Variants in DYSF observed in about 807,000 individuals in gnomAD.
DYSF encodes dystrophy-associated fer-1-like 1.
Under a neutral mutation model 274.9 loss-of-function variants are expected in DYSF, and 212 were observed. The ratio of observed to expected loss-of-function variants is 0.77; its 90% CI spans 0.69 to 0.86. The LOEUF (loss-of-function observed/expected upper bound fraction) is 0.86. DYSF is among the 40% of genes least tolerant of loss of function. DYSF has a pLI of 0.00. For missense variants in DYSF, 2,666 were observed against 2,783.2 expected (o/e 0.96, Z 0.95); for synonymous variants, 1,091 against 1,078.7 (o/e 1.01, Z -0.22).
chr2:71,552,149 A>G (rs1225228057), intron 19 of DYSF, among the ~76,000 whole-genome samples: 2 of 152,126 alleles, frequency 1.3e-5, no homozygotes, highest in African/African-American at 4.8e-5. Context: ...ATGAGGAAAC[A>G]GGCTCAGATA....
rs114685731 is a variant in DYSF, at chr2:71,484,923, C to T, written c.239+2953C>T. On this transcript the variant is annotated intron_variant, in intron 3 of 55. Coordinates refer to ENST00000410020, the MANE Select transcript of DYSF (RefSeq NM_001130987.2). Reference sequence around the variant, plus strand: ...CGAACCTTGGGGTCCTCCCATTGGCCCCTGTGGGTGTTCTCTAGCTCCTGG... The same window carrying T: ...CGAACCTTGGGGTCCTCCCATTGGCTCCTGTGGGTGTTCTCTAGCTCCTGG... Among the ~76,000 whole-genome samples, 613 of 152,200 alleles carry T rather than the reference C, an allele frequency of 4.0e-3. 5 individuals are homozygous for T. Among genetic ancestry groups the T allele is most frequent in the Non-Finnish European group, 4.5e-3 (307 of 68,000 alleles).
chr2:71,618,113 GGTGT>G (rs1284188036), intron 40 of DYSF, among the ~76,000 whole-genome samples: 1 of 120,140 alleles, frequency 8.3e-6, no homozygotes. Flanking sequence ...GTAGAGGTGG[GGTGT>G]GTGTGTGGTA....
intron 41 of DYSF, among the ~76,000 whole-genome samples, chr2:71,626,307 TG>T: frequency 8.9e-6 from 1 of 112,874 alleles, no homozygotes. Context: ...ACTAGTTAGC[TG>T]TTTTTTTTCA....
intron 28 of DYSF, 86 bp downstream of exon 28, chr2:71,570,420 T>C: frequency 6.8e-7 from 1 of 1,477,132 alleles, no homozygotes; most frequent in Non-Finnish European, 9.4e-7. Flanking sequence ...CCAGGGCCCT[T>C]CACTGGGCTA....
At chr2:71,554,101 C>A (rs893243388) in intron 21 of DYSF, among the ~76,000 whole-genome samples, 170 bp downstream of exon 21, 3 of 152,128 alleles carry the variant, frequency 2.0e-5, no homozygotes, top group African/African-American at 7.2e-5. Context: ...GGCTTGTGGT[C>A]CTGTCCTGCA....
At chr2:71,485,415 G>A (rs1052912527) in intron 3 of DYSF, among the ~76,000 whole-genome samples, 1 of 152,304 alleles carries the variant, frequency 6.6e-6, no homozygotes, top group South Asian at 2.1e-4. Context: ...AATTCGCTGG[G>A]CGTGGTGGCG....
chr2:71,520,301 G>A (rs2087116224), intron 11 of DYSF, 93 bp downstream of exon 11: 2 of 1,402,410 alleles, frequency 1.4e-6, no homozygotes, highest in Non-Finnish European at 2.0e-6. Context: ...CCCTCCTGGG[G>A]GTTTTAGAAT....
At chr2:71,530,891 C>G (rs2088621601) in intron 14 of DYSF, among the ~76,000 whole-genome samples, 1 of 152,088 alleles carries the variant, frequency 6.6e-6, no homozygotes, top group African/African-American at 2.4e-5. Context: ...CCCCAGCTGG[C>G]CTTCTTTGCA....
intron 22 of DYSF, among the ~76,000 whole-genome samples, chr2:71,556,275 T>G (rs2091332668): frequency 6.6e-6 from 1 of 152,250 alleles, no homozygotes; most frequent in Admixed American, 6.5e-5. Flanking sequence ...TAAATCTCCC[T>G]GCAGCAGCGG....
At chr2:71,542,406 G>T (rs1329444897) in intron 17 of DYSF, among the ~76,000 whole-genome samples, 1 of 150,306 alleles carries the variant, frequency 6.7e-6, no homozygotes, top group Non-Finnish European at 1.5e-5. Context: ...GATCATTCTT[G>T]GGTGTTTCTC....
chr2:71,511,868 C>T lies in DYSF; in HGVS notation c.407C>T (p.Pro136Leu), dbSNP rs1482887921. Residue 136 changes from proline to leucine, a missense_variant, in exon 5 of 56, where the codon CCC (proline) becomes CTC (leucine). This residue lies in a region of DYSF where 794 missense variants were observed against 777.1 expected (regional missense o/e 1.02). Transcript: ENST00000410020. ...PLPGAVPLFP[P>L]PTPLEPSPTL... Reference sequence around the variant, plus strand: ...CCTGGAGCTGTGCCCCTGTTCCCGCCCCCTACTCCTCTGGAGCCCTCCCCG... The same window carrying T: ...CCTGGAGCTGTGCCCCTGTTCCCGCTCCCTACTCCTCTGGAGCCCTCCCCG... 1 of 1,551,712 alleles carries T rather than the reference C, an allele frequency of 6.4e-7. No homozygotes were observed. The highest frequency in any genetic ancestry group is 8.7e-7 in the Non-Finnish European group (1 of 1,146,994).
At chr2:71,466,104 G>A (rs1186049785), upstream of DYSF, among the ~76,000 whole-genome samples, 1 of 152,170 alleles carries the variant, frequency 6.6e-6, no homozygotes, top group African/African-American at 2.4e-5. Context: ...CTCCCGACCC[G>A]GGGGTCCCAG....
intron 36 of DYSF, among the ~76,000 whole-genome samples, chr2:71,608,567 G>A (rs867098841): frequency 6.6e-6 from 1 of 152,070 alleles, no homozygotes; most frequent in East Asian, 1.9e-4. Context: ...TGGGCCCGAC[G>A]CTCCGCAGCT....
At chr2:71,505,662 T>C (rs1051787340) in intron 4 of DYSF, among the ~76,000 whole-genome samples, 3 of 152,078 alleles carry the variant, frequency 2.0e-5, no homozygotes, top group Non-Finnish European at 4.4e-5. Flanking sequence ...GCTAGGTTGA[T>C]GGGGAAAACA....
intron 42 of DYSF, 142 bp from the exon 43 acceptor site, chr2:71,656,019 CT>C (rs2094760804): frequency 1.7e-6 from 2 of 1,171,834 alleles, no homozygotes; most frequent in African/African-American, 1.5e-5. Flanking sequence ...ACTTTCCCTC[CT>C]TTTCTTCTTC....
chr2:71,563,328 A>G (rs1161427610), intron 23 of DYSF, among the ~76,000 whole-genome samples: 1 of 152,246 alleles, frequency 6.6e-6, no homozygotes, highest in East Asian at 1.9e-4. Flanking sequence ...GGCATGCTTC[A>G]CCTGTGCTGC....
At chr2:71,590,383 G>A (rs1317757440) in intron 32 of DYSF, 95 bp downstream of exon 32, 6 of 1,383,602 alleles carry the variant, frequency 4.3e-6, no homozygotes, top group Admixed American at 1.7e-5. Context: ...GCTGTTTGCT[G>A]GGTGCATGGA....
intron 42 of DYSF, among the ~76,000 whole-genome samples, chr2:71,645,199 G>T (rs2094548137): frequency 6.6e-6 from 1 of 152,210 alleles, no homozygotes; most frequent in African/African-American, 2.4e-5. Context: ...GGGGTTTCTT[G>T]CCTTGGTGTA....
chr2:71,583,853 G>C (rs1276075251), intron 30 of DYSF, among the ~76,000 whole-genome samples: 1 of 152,192 alleles, frequency 6.6e-6, no homozygotes, highest in Non-Finnish European at 1.5e-5. Flanking sequence ...GGCAGACTCA[G>C]GTGAGTTTGG....
Sources: gnomAD v4.1 joint callset for allele counts (sites outside exome capture counted in the v4.1 genomes callset) on GRCh38, gnomAD v4.1.1 for gene constraint, gnomAD v4.1.1 regional missense constraint, MANE v1.5 for transcripts, NCBI Gene and HGNC (gene_info 2026-07-23, HGNC 2026-07-21) for gene names.